Variants in SP100 observed in about 807,000 individuals in gnomAD.
SP100 encodes the protein nuclear autoantigen Sp-100.
SP100 carries 84 observed loss-of-function variants against 130.0 expected under a neutral mutation model. The observed-to-expected ratio is 0.65, with a 90% CI of 0.54 to 0.77. SP100 has a LOEUF of 0.77. Among genes scored for constraint, SP100 ranks in the 30% least tolerant of loss-of-function variants. The pLI, the probability that SP100 is intolerant of heterozygous loss-of-function variation, is 0.00. For synonymous variants in SP100, 331 were observed against 351.7 expected (o/e 0.94, Z 0.66); for missense variants, 978 against 1,052.2 (o/e 0.93, Z 0.97).
At chr2:230,470,947 TAC>T (rs2065234472) in intron 15 of SP100, among the ~76,000 whole-genome samples, 2 of 88,140 alleles carry the variant, frequency 2.3e-5, no homozygotes, top group Non-Finnish European at 6.7e-5. Context: ...ATAACATGTA[TAC>T]ATACATAAAC....
chr2:230,418,610 A>G (rs1347942181), intron 2 of SP100, among the ~76,000 whole-genome samples: 1 of 150,670 alleles, frequency 6.6e-6, no homozygotes, highest in African/African-American at 2.4e-5. Flanking sequence ...TTTTTTTAAC[A>G]TTCCCTGTTT....
intron 24 of SP100, among the ~76,000 whole-genome samples, chr2:230,531,273 C>T (rs1336432520): frequency 1.3e-5 from 2 of 152,262 alleles, no homozygotes; most frequent in South Asian, 2.1e-4. Flanking sequence ...TTTGCAGGGA[C>T]ATGGATGAAG....
intron 8 of SP100, among the ~76,000 whole-genome samples, chr2:230,460,076 GA>G (rs895564152): frequency 6.6e-6 from 1 of 152,068 alleles, no homozygotes. Context: ...ATGCTTTTGG[GA>G]AAACAGTTTG....
At chr2:230,532,997 T>TGTC (rs999083797) in intron 24 of SP100, among the ~76,000 whole-genome samples, 11 of 152,282 alleles carry the variant, frequency 7.2e-5, no homozygotes, top group Middle Eastern at 6.8e-3. Context: ...GCCAGGCTGG[T>TGTC]GTCGAACGCC....
At position 230,438,278 on chromosome 2, in the gene SP100, T is replaced by C. The variant is rs544857715; in HGVS notation, c.108-4659T>C. Among the ~76,000 whole-genome samples, 9 of 152,298 alleles carry C rather than the reference T, an allele frequency of 5.9e-5. No individual in the cohort carries two copies. The South Asian group carries it at 1.9e-3, about 32-fold the overall frequency. ...AATTTTTCATACTTTTTCCATTTTG[T>C]CTTTATTTCATTTCAGTAGTTTTGG... On this transcript the variant is annotated intron_variant, in intron 2 of 28. Transcript: ENST00000340126.
At chr2:230,486,220 T>C (rs1288805229) in intron 17 of SP100, among the ~76,000 whole-genome samples, 2 of 152,192 alleles carry the variant, frequency 1.3e-5, no homozygotes, top group Non-Finnish European at 2.9e-5. Context: ...TGCCACATTT[T>C]TTTTTATGTT....
At chr2:230,440,973 T>A (rs917533442) in intron 2 of SP100, among the ~76,000 whole-genome samples, 1 of 152,130 alleles carries the variant, frequency 6.6e-6, no homozygotes, top group African/African-American at 2.4e-5. Flanking sequence ...AAAAATAAAT[T>A]GGATTTCATC....
rs902884469 is a variant in SP100 at position 230,544,223 on chromosome 2, T to C, written c.*1277T>C. On this transcript the variant is annotated 3_prime_UTR_variant, in exon 29 of 29. Transcript: ENST00000340126. ...AACCTAGGCAATACCATCCTGGACA[T>C]AGGAACAGGCAAAGATTTCATGATA... 6.6e-6 allele frequency: 1 copy of C among 152,090 alleles called. No homozygotes were observed. Among genetic ancestry groups the C allele is most frequent in the Non-Finnish European group, 1.5e-5 (1 of 68,002 alleles). 9.4% of individuals were successfully genotyped at this position (152,090 alleles called of 1,614,324 possible). A position where few individuals can be genotyped will look rare whatever the true frequency, so the allele number is the denominator to read the frequency against.
intron 24 of SP100, among the ~76,000 whole-genome samples, chr2:230,527,260 C>T (rs185209174): frequency 1.5e-3 from 235 of 152,300 alleles, no homozygotes; most frequent in African/African-American, 5.1e-3. Flanking sequence ...AAGACAGTGG[C>T]AGCCAATATT....
rs149308963 is a variant in SP100 at position 230,497,776 on chromosome 2, A to C, written c.1646-685A>C. 8.2e-3 allele frequency among the ~76,000 whole-genome samples: 1,256 copies of C among 152,278 alleles called. 6 individuals are homozygous for C. Among genetic ancestry groups the C allele is most frequent in the Non-Finnish European group, 0.012 (800 of 68,020 alleles). The stretch of plus-strand genomic sequence containing the variant: ...TAACCCTAAGGCTTTCTGGGACTTG[A>C]ATCTCTATACAAATTCCCCTTGGAC... On this transcript the variant is annotated intron_variant, in intron 18 of 28. Coordinates refer to ENST00000340126, the MANE Select transcript of SP100 (RefSeq NM_001080391.2).
chr2:230,502,825 C>T (rs975480089), intron 19 of SP100, among the ~76,000 whole-genome samples: 4 of 152,120 alleles, frequency 2.6e-5, no homozygotes, highest in Non-Finnish European at 5.9e-5. Context: ...ACACAGTCAC[C>T]GTCGCATCCT....
chr2:230,467,123 T>C lies in SP100; in HGVS notation c.1199T>C (p.Ile400Thr), dbSNP rs777215383. The change falls in exon 13 of 29, where the codon ATA (isoleucine) becomes ACA (threonine). Residue 400 changes from isoleucine to threonine, a missense_variant. Transcript: ENST00000340126. ...GGACATTTGCTCCTTTCTGCAGTGA[T>C]AGGACAAGACCACGACTTTTCAGAA... Reference protein sequence around the residue: ...TFRESFKKRVIGQDHDFSESS... With the variant: ...TFRESFKKRVTGQDHDFSESS... 1 of 1,612,310 alleles carries C rather than the reference T, an allele frequency of 6.2e-7. No homozygotes were observed. The highest frequency in any genetic ancestry group is 2.2e-5 in the East Asian group (1 of 44,872).
chr2:230,436,111 G>A (rs2063256828), intron 2 of SP100, among the ~76,000 whole-genome samples: 1 of 151,912 alleles, frequency 6.6e-6, no homozygotes, highest in Non-Finnish European at 1.5e-5. Context: ...TGTAATTGGA[G>A]GCCTTTCATA....
At chr2:230,416,884 G>A (rs2062613995) in intron 1 of SP100, 1 of 985,302 alleles carries the variant, frequency 1.0e-6, no homozygotes. Flanking sequence ...GGCCCAGGGT[G>A]ACAAACGGCT....
intron 17 of SP100, among the ~76,000 whole-genome samples, chr2:230,478,972 C>G (rs2065698665): frequency 6.6e-6 from 1 of 152,154 alleles, no homozygotes; most frequent in African/African-American, 2.4e-5. Flanking sequence ...ATGTGCCCAC[C>G]ACCATGCCTG....
At chr2:230,526,958 C>G (rs939217544) in intron 24 of SP100, among the ~76,000 whole-genome samples, 1 of 152,086 alleles carries the variant, frequency 6.6e-6, no homozygotes, top group Non-Finnish European at 1.5e-5. Flanking sequence ...ATTAGTGTAC[C>G]TGAAAGTGAC....
intron 17 of SP100, among the ~76,000 whole-genome samples, chr2:230,481,615 C>T (rs942775830): frequency 6.6e-6 from 1 of 152,202 alleles, no homozygotes; most frequent in Admixed American, 6.5e-5. Flanking sequence ...ACCTATTCTC[C>T]ATTCAGCAGT....
chr2:230,441,331 T>C (rs924847322), intron 2 of SP100, among the ~76,000 whole-genome samples: 1 of 152,168 alleles, frequency 6.6e-6, no homozygotes, highest in African/African-American at 2.4e-5. Flanking sequence ...AAAAACAGTT[T>C]GGCAGGTTCT....
At chr2:230,513,564 G>T (rs571957256) in intron 24 of SP100, among the ~76,000 whole-genome samples, 116 of 152,018 alleles carry the variant, frequency 7.6e-4, no homozygotes, top group African/African-American at 2.7e-3. Flanking sequence ...TGATCAATCT[G>T]CTAGGTTAAG....
Sources: gnomAD v4.1 joint callset for allele counts (sites outside exome capture counted in the v4.1 genomes callset) on GRCh38, gnomAD v4.1.1 for gene constraint, MANE v1.5 for transcripts, NCBI Gene and HGNC (gene_info 2026-07-23, HGNC 2026-07-21) for gene names.